Variants in IL15 observed in about 807,000 individuals in gnomAD.
IL15 encodes interleukin 15.
A neutral mutation model predicts 19.6 loss-of-function variants in IL15; 11 were observed. The ratio of observed to expected loss-of-function variants is 0.56; its 90% confidence interval spans 0.35 to 0.93. IL15 has a LOEUF of 0.93. Ranked by LOEUF, IL15 falls within the 40% of genes least tolerant of loss-of-function variation. The probability of loss-of-function intolerance (pLI) is 0.01; values close to 1 mark genes in which losing one functional copy is unlikely to be tolerated. For missense variants in IL15, 197 were observed against 186.5 expected (o/e 1.06, Z -0.33); for synonymous variants, 58 against 59.6 (o/e 0.97, Z 0.12).
intron 5 of IL15, 87 bp downstream of exon 5, chr4:141,722,095 C>A: frequency 1.5e-6 from 2 of 1,374,798 alleles, no homozygotes; most frequent in Non-Finnish European, 1.9e-6. Flanking sequence ...CTTAAGGAAA[C>A]CACACTTGAA....
chr4:141,644,322 C>T (rs759208549), intron 1 of IL15, among the ~76,000 whole-genome samples: 1 of 152,072 alleles, frequency 6.6e-6, no homozygotes, highest in Non-Finnish European at 1.5e-5. Context: ...AACTTAGTGA[C>T]TTGAATAACA....
intron 7 of IL15, among the ~76,000 whole-genome samples, chr4:141,731,678 G>A (rs1369095980): frequency 6.6e-6 from 1 of 152,152 alleles, no homozygotes; most frequent in Non-Finnish European, 1.5e-5. Context: ...CAATATCTCT[G>A]TCTTCCTATC....
chr4:141,699,604 G>A (rs1181759165), intron 2 of IL15, among the ~76,000 whole-genome samples: 1 of 152,052 alleles, frequency 6.6e-6, no homozygotes, highest in African/African-American at 2.4e-5. Flanking sequence ...TTGTTTTACT[G>A]TTGTTGCTTT....
intron 2 of IL15, among the ~76,000 whole-genome samples, chr4:141,690,028 A>C (rs1427191873): frequency 1.3e-5 from 2 of 152,202 alleles, no homozygotes; most frequent in South Asian, 2.1e-4. Flanking sequence ...AGGCCCGGCG[A>C]GAAATCGAGC....
intron 1 of IL15, among the ~76,000 whole-genome samples, chr4:141,650,190 G>C (rs1727356817): frequency 6.6e-6 from 1 of 151,294 alleles, no homozygotes; most frequent in African/African-American, 2.5e-5. Flanking sequence ...GGATGAAATG[G>C]AGTTGTCACA....
chr4:141,669,887 T>A (rs1728112802), intron 2 of IL15, among the ~76,000 whole-genome samples: 1 of 151,824 alleles, frequency 6.6e-6, no homozygotes, highest in Admixed American at 6.6e-5. Flanking sequence ...ACTGAGATAT[T>A]GGGTCTAGAA....
intron 6 of IL15, among the ~76,000 whole-genome samples, chr4:141,729,177 G>A (rs963215600): frequency 4.6e-5 from 7 of 152,126 alleles, no homozygotes. Flanking sequence ...TTTGTGAAGT[G>A]TCTGCAGGCT....
intron 5 of IL15, among the ~76,000 whole-genome samples, chr4:141,725,056 A>G (rs2152191509): frequency 6.6e-6 from 1 of 152,334 alleles, no homozygotes; most frequent in South Asian, 2.1e-4. Flanking sequence ...TAAAATATTA[A>G]CAAATCAAAT....
At chr4:141,637,992 G>T (rs1412256810) in intron 1 of IL15, among the ~76,000 whole-genome samples, 2 of 152,180 alleles carry the variant, frequency 1.3e-5, no homozygotes, top group Admixed American at 6.5e-5. Flanking sequence ...TTGGAAGGCC[G>T]AGGCGAGAGG....
At chr4:141,653,810 G>C (rs1200199984) in intron 1 of IL15, among the ~76,000 whole-genome samples, 1 of 152,138 alleles carries the variant, frequency 6.6e-6, no homozygotes, top group Non-Finnish European at 1.5e-5. Context: ...AAGTGAGCTA[G>C]AGTGACTGCA....
In IL15 at chr4:141,733,314, T is replaced by A. The variant is rs1730514332; in HGVS notation, c.*466T>A. ...CACTGACTACTGGCTCTCATTGACT[T>A]CCTTACTAAGCATAGCAAACAGAGG... On this transcript the variant is annotated 3_prime_UTR_variant, in exon 8 of 8. Coordinates refer to ENST00000320650, the MANE Select transcript of IL15 (RefSeq NM_000585.5). The A allele has an allele frequency of 6.5e-6, 1 of 153,294 alleles. No homozygotes were observed. The highest frequency in any genetic ancestry group is 2.4e-5 in the African/African-American group (1 of 41,438). 9.5% of individuals were successfully genotyped at this position (153,294 alleles called of 1,614,324 possible). A position where few individuals can be genotyped will look rare whatever the true frequency, so the allele number is the denominator to read the frequency against.
intron 1 of IL15, among the ~76,000 whole-genome samples, chr4:141,651,525 A>C (rs1364867068): frequency 6.6e-6 from 1 of 152,016 alleles, no homozygotes; most frequent in African/African-American, 2.4e-5. Flanking sequence ...CCCAGACTTT[A>C]CCTCTATGCA....
intron 1 of IL15, chr4:141,637,167 C>T (rs909735979): frequency 2.6e-5 from 4 of 152,236 alleles, no homozygotes; most frequent in African/African-American, 9.6e-5. Context: ...AAGACGCTGT[C>T]CCGCAGCCCT....
At chr4:141,690,997 C>A (rs80192068) in intron 2 of IL15, among the ~76,000 whole-genome samples, 2,558 of 134,150 alleles carry the variant, frequency 0.019, 35 homozygotes, top group Non-Finnish European at 0.031. Context: ...ATGTTTCTTG[C>A]ATCTAAAAAT....
intron 2 of IL15, among the ~76,000 whole-genome samples, chr4:141,658,770 C>G (rs957687120): frequency 6.6e-5 from 10 of 151,794 alleles, no homozygotes; most frequent in African/African-American, 2.2e-4. Context: ...AAAGAAAAAA[C>G]ACGGAAATCA....
At chr4:141,640,544 T>A (rs1300636738) in intron 1 of IL15, among the ~76,000 whole-genome samples, 1 of 152,160 alleles carries the variant, frequency 6.6e-6, no homozygotes, top group Admixed American at 6.5e-5. Flanking sequence ...TTTATGAATT[T>A]GCCTATGTCA....
chr4:141,705,389 G>A (rs150680551), intron 2 of IL15, among the ~76,000 whole-genome samples: 27 of 151,768 alleles, frequency 1.8e-4, no homozygotes, highest in African/African-American at 5.3e-4. Context: ...TAAATTTTCT[G>A]AAGTTTTTAT....
At chr4:141,659,418 G>A (rs190260719) in intron 2 of IL15, among the ~76,000 whole-genome samples, 3 of 152,048 alleles carry the variant, frequency 2.0e-5, no homozygotes, top group Non-Finnish European at 4.4e-5. Context: ...GGTCAGGCTG[G>A]TCTCGAACTC....
intron 2 of IL15, among the ~76,000 whole-genome samples, chr4:141,664,820 T>C (rs1025318749): frequency 6.6e-6 from 1 of 152,188 alleles, no homozygotes; most frequent in African/African-American, 2.4e-5. Flanking sequence ...AATTCTTACA[T>C]ACATACTTTC....
Sources: gnomAD v4.1 joint callset for allele counts (sites outside exome capture counted in the v4.1 genomes callset) on GRCh38, gnomAD v4.1.1 for gene constraint, MANE v1.5 for transcripts, NCBI Gene and HGNC (gene_info 2026-07-23, HGNC 2026-07-21) for gene names.